The following HHAT variants were observed in gnomAD, a reference collection of about 807,000 sequenced individuals.
HHAT encodes the protein hedgehog acyltransferase.
Under a neutral mutation model 70.8 loss-of-function variants are expected in HHAT, and 47 were observed. The ratio of observed to expected loss-of-function variants is 0.66; its 90% confidence interval spans 0.53 to 0.85. The LOEUF (loss-of-function observed/expected upper bound fraction) is 0.85, where lower values mean the gene tolerates loss of function less well. HHAT is among the 40% of genes least tolerant of loss of function. HHAT has a pLI of 0.00. For synonymous variants in HHAT, 228 were observed against 247.6 expected (o/e 0.92, Z 0.74); for missense variants, 609 against 604.8 (o/e 1.01, Z -0.07).
intron 11 of HHAT, among the ~76,000 whole-genome samples, chr1:210,632,314 T>C (rs1036866748): frequency 4.6e-5 from 7 of 152,148 alleles, no homozygotes; most frequent in Admixed American, 4.6e-4. Flanking sequence ...AGCAAGGAAA[T>C]CGAGTATGCG....
In HHAT at chr1:210,522,250, G is replaced by T. The variant is rs374914261; in HGVS notation, c.1043+9062G>T. ...TCCAGAGGTGAGAAATGACACCTGG[G>T]AGGAGTCCCCAGGTATCTTTTATCC... On this transcript the variant is annotated intron_variant, in intron 9 of 11. Coordinates refer to ENST00000261458, the MANE Select transcript of HHAT (RefSeq NM_018194.6). Among the ~76,000 whole-genome samples the T allele has an allele frequency of 4.6e-5, 7 of 152,316 alleles. No homozygotes were observed. The South Asian group carries it at 1.5e-3, about 32-fold the overall frequency.
intron 6 of HHAT, among the ~76,000 whole-genome samples, chr1:210,416,489 G>A (rs2092724271): frequency 6.6e-6 from 1 of 152,146 alleles, no homozygotes; most frequent in African/African-American, 2.4e-5. Context: ...TTGTTTAGTG[G>A]TATAAGGCTG....
intron 7 of HHAT, among the ~76,000 whole-genome samples, chr1:210,448,330 C>T (rs943896276): frequency 6.6e-6 from 1 of 152,060 alleles, no homozygotes; most frequent in Non-Finnish European, 1.5e-5. Flanking sequence ...GATCTGCACA[C>T]CTCAGTTTCC....
At chr1:210,393,143 TG>T (rs994716264) in intron 4 of HHAT, among the ~76,000 whole-genome samples, 2 of 152,140 alleles carry the variant, frequency 1.3e-5, no homozygotes, top group Non-Finnish European at 2.9e-5. Context: ...ATGGCACTGC[TG>T]GCTTCGTGGA....
At chr1:210,612,340 A>G (rs1157061716) in intron 10 of HHAT, among the ~76,000 whole-genome samples, 2 of 152,078 alleles carry the variant, frequency 1.3e-5, no homozygotes, top group South Asian at 2.1e-4. Context: ...AGTAGCCACT[A>G]TTCTACTTTC....
rs1231798243 is a variant in HHAT at position 210,512,124 on chromosome 1, T to C, written c.1008-1029T>C. On this transcript the variant is annotated intron_variant, in intron 8 of 11. Coordinates refer to ENST00000261458, the MANE Select transcript of HHAT (RefSeq NM_018194.6). The stretch of plus-strand genomic sequence containing the variant: ...AAGGGTCTGCCATAGCCCAGCGCTA[T>C]GGGATGCCTGGTGTGAGCCTCAAGC... Among the ~76,000 whole-genome samples, 5 of 152,266 alleles carry C rather than the reference T, an allele frequency of 3.3e-5. No homozygotes were observed. The East Asian group carries it at 9.7e-4, about 29-fold the overall frequency.
intron 8 of HHAT, among the ~76,000 whole-genome samples, chr1:210,496,157 T>C (rs889154851): frequency 6.6e-6 from 1 of 152,062 alleles, no homozygotes; most frequent in East Asian, 1.9e-4. Context: ...CTTAGTAGTT[T>C]AAAACAATAA....
chr1:210,486,385 TTTC>T (rs1038256928), intron 8 of HHAT, among the ~76,000 whole-genome samples: 2 of 152,348 alleles, frequency 1.3e-5, no homozygotes, highest in South Asian at 2.1e-4. Flanking sequence ...CAGCTTCTCA[TTTC>T]TTCTTCATTC....
chr1:210,577,938 G>A lies in HHAT; in HGVS notation c.1044-9960G>A, dbSNP rs574122488. Among the ~76,000 whole-genome samples the A allele has an allele frequency of 1.4e-4, 22 of 152,124 alleles. No individual in the cohort carries two copies. In the South Asian group the frequency reaches 3.1e-3, roughly 22 times the overall value. ...TGGGGTTACAGATGTGAGCCACTGC[G>A]CCCAGTTGGCCTGTAATTTTTTAAT... On this transcript the variant is annotated intron_variant, in intron 9 of 11. Transcript: ENST00000261458.
intron 7 of HHAT, among the ~76,000 whole-genome samples, chr1:210,431,386 C>T (rs1015666717): frequency 9.9e-5 from 15 of 151,698 alleles, no homozygotes; most frequent in Admixed American, 4.6e-4. Flanking sequence ...CATGCACGAC[C>T]GCTCGCCCAT....
chr1:210,555,991 T>G (rs201415496), intron 9 of HHAT, among the ~76,000 whole-genome samples: 1 of 152,234 alleles, frequency 6.6e-6, no homozygotes, highest in East Asian at 1.9e-4. Context: ...GTTTGTTCTT[T>G]TCTCTTTCAC....
At chr1:210,440,237 G>A (rs1373621432) in intron 7 of HHAT, among the ~76,000 whole-genome samples, 2 of 151,704 alleles carry the variant, frequency 1.3e-5, no homozygotes, top group East Asian at 3.9e-4. Context: ...GTTTGTAGGT[G>A]TTTATTAGGG....
chr1:210,380,761 T>A (rs1445831115), intron 3 of HHAT, among the ~76,000 whole-genome samples: 2 of 151,888 alleles, frequency 1.3e-5, no homozygotes, highest in Non-Finnish European at 2.9e-5. Flanking sequence ...TTTTTCCAAA[T>A]AGAGGGAGCA....
intron 9 of HHAT, among the ~76,000 whole-genome samples, chr1:210,563,495 G>A (rs374824259): frequency 1.3e-5 from 2 of 152,100 alleles, no homozygotes; most frequent in Non-Finnish European, 2.9e-5. Context: ...CAACATTGCG[G>A]TGGAGTGAAG....
At chr1:210,617,415 G>T (rs1463361682) in intron 10 of HHAT, among the ~76,000 whole-genome samples, 1 of 152,244 alleles carries the variant, frequency 6.6e-6, no homozygotes, top group African/African-American at 2.4e-5. Flanking sequence ...GCTAGAGTAT[G>T]ACCAGTCAGT....
chr1:210,436,695 T>C (rs1558513204), intron 7 of HHAT, among the ~76,000 whole-genome samples: 1 of 151,822 alleles, frequency 6.6e-6, no homozygotes, highest in Non-Finnish European at 1.5e-5. Flanking sequence ...TGTCTTCCAT[T>C]AACCAGTAGA....
At chr1:210,591,674 T>C (rs1661736868) in intron 10 of HHAT, among the ~76,000 whole-genome samples, 1 of 152,202 alleles carries the variant, frequency 6.6e-6, no homozygotes, top group Non-Finnish European at 1.5e-5. Flanking sequence ...ACCAACAGTG[T>C]ACAATGATGC....
chr1:210,487,321 GTT>G (rs5780580), intron 8 of HHAT, among the ~76,000 whole-genome samples: 2 of 151,704 alleles, frequency 1.3e-5, no homozygotes, highest in Non-Finnish European at 2.9e-5. Flanking sequence ...AAAGTAAGAG[GTT>G]TTTTTTTAGC....
intron 11 of HHAT, among the ~76,000 whole-genome samples, chr1:210,637,609 C>G (rs1197636701): frequency 6.6e-6 from 1 of 152,130 alleles, no homozygotes; most frequent in Non-Finnish European, 1.5e-5. Flanking sequence ...CACCTCTAAT[C>G]CCAGAACTTT....
Sources: allele counts gnomAD v4.1 joint callset (sites outside exome capture counted in the v4.1 genomes callset), GRCh38; gene constraint gnomAD v4.1.1; transcripts MANE v1.5; gene names NCBI Gene and HGNC (gene_info 2026-07-23, HGNC 2026-07-21).